Variants in AGPS observed in about 807,000 individuals in gnomAD.
AGPS encodes the protein alkyldihydroxyacetonephosphate synthase, peroxisomal.
In AGPS, 26 loss-of-function variants were observed where a neutral mutation model predicts 90.7. The ratio of observed to expected loss-of-function variants is 0.29; its 90% CI spans 0.21 to 0.40. The LOEUF (loss-of-function observed/expected upper bound fraction) is 0.40. Ranked by LOEUF, AGPS falls within the 10% of genes least tolerant of loss-of-function variation. The pLI, the probability that AGPS is intolerant of heterozygous loss-of-function variation, is 1.00. For missense variants in AGPS, 540 were observed against 816.1 expected (o/e 0.66, Z 4.12); for synonymous variants, 294 against 285.3 (o/e 1.03, Z -0.31).
intron 11 of AGPS, among the ~76,000 whole-genome samples, chr2:177,485,398 TTTCCAACATTTCCGCCATA>T (rs1324465204): frequency 6.6e-6 from 1 of 152,232 alleles, no homozygotes; most frequent in East Asian, 1.9e-4. Flanking sequence ...GAAATGTTGA[TTTCCAACATTTCCGCCATA>T]AATAGTTGGT....
chr2:177,482,410 C>G (rs1687972218), intron 11 of AGPS, among the ~76,000 whole-genome samples: 1 of 151,856 alleles, frequency 6.6e-6, no homozygotes, highest in Non-Finnish European at 1.5e-5. Context: ...GCTATCAAAC[C>G]TATTTCTTGG....
intron 9 of AGPS, 67 bp from the exon 10 acceptor site, chr2:177,468,349 T>C (rs1304012435): frequency 4.4e-6 from 4 of 907,410 alleles, no homozygotes; most frequent in Middle Eastern, 3.3e-4. Context: ...TATATATAAA[T>C]GTCTGTACAT....
intron 10 of AGPS, among the ~76,000 whole-genome samples, chr2:177,471,736 A>G (rs917593043): frequency 2.0e-5 from 3 of 152,168 alleles, no homozygotes; most frequent in Admixed American, 6.5e-5. Flanking sequence ...GCACATTTAT[A>G]TATCCCCAGA....
chr2:177,403,488 A>G lies in AGPS; in HGVS notation c.260+10439A>G, dbSNP rs151060662. Among the ~76,000 whole-genome samples the G allele has an allele frequency of 1.6e-3, 249 of 152,330 alleles. 1 individual carries two copies. Among genetic ancestry groups the G allele is most frequent in the Middle Eastern group, 0.01 (3 of 294 alleles). ...TTTGCTCTAGTAATGATGGTCTTTC[A>G]GCAATCTGGATAGTGTTTAGAAGTG... On this transcript the variant is annotated intron_variant, in intron 1 of 19. Coordinates refer to ENST00000264167, the MANE Select transcript of AGPS (RefSeq NM_003659.4).
chr2:177,508,461 T>C (rs1002763324), intron 16 of AGPS, among the ~76,000 whole-genome samples: 1 of 152,190 alleles, frequency 6.6e-6, no homozygotes, highest in Non-Finnish European at 1.5e-5. Flanking sequence ...AATGGGAATT[T>C]AGGTGGTTTA....
intron 10 of AGPS, among the ~76,000 whole-genome samples, chr2:177,480,691 C>T (rs927871280): frequency 4.6e-5 from 7 of 151,364 alleles, no homozygotes; most frequent in Non-Finnish European, 8.8e-5. Context: ...CAAACCTGCA[C>T]GTTGTGCACA....
chr2:177,424,658 T>C (rs1451736459), intron 2 of AGPS, among the ~76,000 whole-genome samples: 1 of 152,228 alleles, frequency 6.6e-6, no homozygotes, highest in African/African-American at 2.4e-5. Flanking sequence ...CTTTGAGGAA[T>C]CACCACACTG....
intron 1 of AGPS, among the ~76,000 whole-genome samples, chr2:177,395,942 G>C (rs1227888274): frequency 1.3e-5 from 2 of 152,152 alleles, no homozygotes; most frequent in Non-Finnish European, 1.5e-5. Flanking sequence ...GGCATTGGAG[G>C]TAAAGAGATG....
chr2:177,510,360 C>A (rs987389764), intron 16 of AGPS, among the ~76,000 whole-genome samples: 2 of 152,124 alleles, frequency 1.3e-5, no homozygotes, highest in African/African-American at 4.8e-5. Context: ...CAGCTCCACC[C>A]ACAGGACCTA....
chr2:177,503,121 T>C (rs939061561), intron 14 of AGPS, among the ~76,000 whole-genome samples: 33 of 152,288 alleles, frequency 2.2e-4, no homozygotes, highest in African/African-American at 7.9e-4. Flanking sequence ...GTCTTAGCCA[T>C]TTTTTCTCTT....
At chr2:177,450,025 G>T (rs1214253818) in intron 8 of AGPS, among the ~76,000 whole-genome samples, 1 of 152,022 alleles carries the variant, frequency 6.6e-6, no homozygotes, top group African/African-American at 2.4e-5. Flanking sequence ...TTTTAGTAGA[G>T]ACGGGTTTTC....
intron 2 of AGPS, among the ~76,000 whole-genome samples, chr2:177,420,570 A>G (rs1685915564): frequency 6.6e-6 from 1 of 151,628 alleles, no homozygotes; most frequent in African/African-American, 2.4e-5. Context: ...GTATATATAT[A>G]TTATATGTCT....
chr2:177,447,715 C>T (rs1393374078), intron 8 of AGPS, among the ~76,000 whole-genome samples: 1 of 151,864 alleles, frequency 6.6e-6, no homozygotes, highest in Non-Finnish European at 1.5e-5. Context: ...GTTCATTTCC[C>T]TAAATGCCGA....
At chr2:177,517,476 C>A (rs950414787) in intron 17 of AGPS, among the ~76,000 whole-genome samples, 3 of 152,082 alleles carry the variant, frequency 2.0e-5, no homozygotes, top group Non-Finnish European at 4.4e-5. Flanking sequence ...ATTCTCATAT[C>A]TCATACTTAT....
intron 11 of AGPS, among the ~76,000 whole-genome samples, chr2:177,489,303 C>G (rs1649585965): frequency 1.3e-5 from 2 of 152,078 alleles, no homozygotes; most frequent in Non-Finnish European, 2.9e-5. Context: ...CCAGGATGGT[C>G]TCGATCTCCT....
At chr2:177,441,074 T>A (rs896633408) in intron 6 of AGPS, 38 bp downstream of exon 6, 3 of 1,480,040 alleles carry the variant, frequency 2.0e-6, no homozygotes, top group Non-Finnish European at 9.4e-7. Context: ...TATGTAAATT[T>A]GTTCTATTTA....
At chr2:177,472,404 G>GT (rs1172041924) in intron 10 of AGPS, among the ~76,000 whole-genome samples, 1 of 151,288 alleles carries the variant, frequency 6.6e-6, no homozygotes, top group Non-Finnish European at 1.5e-5. Flanking sequence ...GTCAGCTCTT[G>GT]TTTCATTTCT....
intron 2 of AGPS, among the ~76,000 whole-genome samples, chr2:177,423,869 A>C (rs1686000884): frequency 6.6e-6 from 1 of 152,128 alleles, no homozygotes; most frequent in Non-Finnish European, 1.5e-5. Context: ...TATTCCTTCT[A>C]AGTATGAGTG....
chr2:177,408,621 T>C (rs1200115755), intron 1 of AGPS, among the ~76,000 whole-genome samples: 4 of 152,208 alleles, frequency 2.6e-5, no homozygotes, highest in African/African-American at 9.7e-5. Context: ...GTGCTGCCAC[T>C]TTGCCCTCTT....
Sources: gnomAD v4.1 joint callset for allele counts (sites outside exome capture counted in the v4.1 genomes callset) on GRCh38, gnomAD v4.1.1 for gene constraint, MANE v1.5 for transcripts, NCBI Gene and HGNC (gene_info 2026-07-23, HGNC 2026-07-21) for gene names.